Variants in MAGI1 observed in about 807,000 individuals in gnomAD.
The protein encoded by MAGI1 is membrane-associated guanylate kinase, WW and PDZ domain-containing protein 1.
MAGI1 carries 58 observed loss-of-function variants against 139.9 expected under a neutral mutation model. The observed-to-expected ratio is 0.41, with a 90% CI of 0.34 to 0.52. The LOEUF is 0.52. Among genes scored for constraint, MAGI1 ranks in the 20% least tolerant of loss-of-function variants. The pLI is 0.12. For synonymous variants in MAGI1, 812 were observed against 737.9 expected, an observed-to-expected ratio of 1.10 and a Z score of -1.63; for missense variants, 1,874 against 1,901.6, an observed-to-expected ratio of 0.99 and a Z score of 0.27.
intron 12 of MAGI1, among the ~76,000 whole-genome samples, chr3:65,419,124 C>G (rs187287266): frequency 2.0e-5 from 3 of 152,198 alleles, no homozygotes; most frequent in Admixed American, 2.0e-4. Context: ...TCAGTAATCT[C>G]ATTCAGCCCC....
chr3:66,013,671 G>A (rs1164304563), intron 1 of MAGI1, among the ~76,000 whole-genome samples: 2 of 150,368 alleles, frequency 1.3e-5, no homozygotes, highest in African/African-American at 4.9e-5. Flanking sequence ...TGAAGCAGGA[G>A]AATGGCTTGA....
At chr3:65,791,198 C>T (rs931477737) in intron 1 of MAGI1, among the ~76,000 whole-genome samples, 4 of 152,342 alleles carry the variant, frequency 2.6e-5, no homozygotes, top group South Asian at 2.1e-4. Flanking sequence ...AACCTCTCTT[C>T]GCTCCAAGCC....
At chr3:65,572,329 G>A (rs1182593598) in intron 2 of MAGI1, among the ~76,000 whole-genome samples, 1 of 152,074 alleles carries the variant, frequency 6.6e-6, no homozygotes, top group Admixed American at 6.6e-5. Flanking sequence ...AATTTGCCAA[G>A]GCTAAGAGGG....
chr3:65,651,841 C>T (rs1019253658), intron 1 of MAGI1, among the ~76,000 whole-genome samples: 3 of 152,176 alleles, frequency 2.0e-5, no homozygotes, highest in Non-Finnish European at 4.4e-5. Context: ...CCCCACTCAT[C>T]TCAAAGTGAC....
chr3:65,443,556 A>C (rs764546381), intron 7 of MAGI1, among the ~76,000 whole-genome samples: 19 of 152,196 alleles, frequency 1.2e-4, no homozygotes, highest in Non-Finnish European at 2.5e-4. Flanking sequence ...AGAACTTCCT[A>C]AGGTTTCATA....
At chr3:65,902,940 C>T (rs966160375) in intron 1 of MAGI1, 1 of 152,336 alleles carries the variant, frequency 6.6e-6, no homozygotes, top group African/African-American at 2.4e-5. Context: ...AGAATGAGAA[C>T]ACCAAGGTCA....
intron 12 of MAGI1, 91 bp from the exon 13 acceptor site, chr3:65,401,561 C>A: frequency 6.4e-7 from 1 of 1,561,412 alleles, no homozygotes. Flanking sequence ...CCAGGTGTTC[C>A]ATGGCAACCT....
chr3:65,621,474 A>C (rs1482396253), intron 2 of MAGI1, among the ~76,000 whole-genome samples: 3 of 152,174 alleles, frequency 2.0e-5, no homozygotes, highest in Admixed American at 6.5e-5. Flanking sequence ...CTGACTTATG[A>C]ATCTGATGAA....
At chr3:65,504,448 T>G (rs1367494094) in intron 2 of MAGI1, among the ~76,000 whole-genome samples, 1 of 152,188 alleles carries the variant, frequency 6.6e-6, no homozygotes, top group Non-Finnish European at 1.5e-5. Context: ...ATGCACACAT[T>G]ATGTGACTTG....
intron 1 of MAGI1, among the ~76,000 whole-genome samples, chr3:65,690,643 T>TTTTA: frequency 8.3e-6 from 1 of 121,066 alleles, no homozygotes; most frequent in East Asian, 4.4e-4. Flanking sequence ...ATTTTTAATT[T>TTTTA]TTTTTTTTTT....
chr3:65,890,582 T>C lies in MAGI1; in HGVS notation c.313+147414A>G, dbSNP rs536884678. ...ATTTCCCAAAGGACTTGCAAGAACA[T>C]TCCAACTTTAACACCACATCCAACG... On this transcript the variant is annotated intron_variant, in intron 1 of 22. Transcript: ENST00000402939. Among the ~76,000 whole-genome samples the C allele has an allele frequency of 2.0e-5, 3 of 152,314 alleles. No individual in the cohort carries two copies. In the South Asian group the frequency reaches 6.2e-4, roughly 32 times the overall value.
intron 2 of MAGI1, among the ~76,000 whole-genome samples, chr3:65,508,568 T>C (rs1354937546): frequency 6.6e-6 from 1 of 152,156 alleles, no homozygotes; most frequent in Non-Finnish European, 1.5e-5. Context: ...AGGTGAGTGC[T>C]TTGCCTTCTA....
intron 1 of MAGI1, among the ~76,000 whole-genome samples, chr3:65,848,906 T>C (rs542602903): frequency 1.1e-4 from 17 of 150,578 alleles, no homozygotes; most frequent in Admixed American, 6.7e-5. Context: ...AGTGGGGCCA[T>C]GTGATTGGTT....
intron 1 of MAGI1, among the ~76,000 whole-genome samples, chr3:65,854,053 A>G (rs1001497128): frequency 6.6e-6 from 1 of 152,068 alleles, no homozygotes; most frequent in Non-Finnish European, 1.5e-5. Flanking sequence ...GGTTGCAGTG[A>G]GCCAAGATCA....
At chr3:65,780,026 G>T (rs918304236) in intron 1 of MAGI1, among the ~76,000 whole-genome samples, 1 of 142,250 alleles carries the variant, frequency 7.0e-6, no homozygotes. Flanking sequence ...ATTTTTTGGG[G>T]GGGGAAGGGC....
intron 16 of MAGI1, among the ~76,000 whole-genome samples, chr3:65,380,336 G>T (rs930787341): frequency 2.0e-5 from 3 of 152,166 alleles, no homozygotes; most frequent in African/African-American, 4.8e-5. Context: ...TCTTTTCATA[G>T]ATTGTTTTAA....
intron 1 of MAGI1, among the ~76,000 whole-genome samples, chr3:65,798,022 T>C (rs1240009670): frequency 6.6e-6 from 1 of 152,122 alleles, no homozygotes; most frequent in Non-Finnish European, 1.5e-5. Context: ...AAACATAGCC[T>C]TGGCCTGGTG....
chr3:65,639,769 G>A (rs891579003), intron 1 of MAGI1, among the ~76,000 whole-genome samples: 1 of 152,018 alleles, frequency 6.6e-6, no homozygotes, highest in African/African-American at 2.4e-5. Context: ...TTGGGAGGCC[G>A]AGGTGGGCAG....
intron 16 of MAGI1, among the ~76,000 whole-genome samples, chr3:65,381,486 A>T (rs1184510196): frequency 2.0e-5 from 3 of 152,112 alleles, no homozygotes; most frequent in Admixed American, 6.5e-5. Context: ...TTATGAGCTT[A>T]TTTTGTAGCA....
Sources: gnomAD v4.1 joint callset for allele counts (sites outside exome capture counted in the v4.1 genomes callset) on GRCh38, gnomAD v4.1.1 for gene constraint, MANE v1.5 for transcripts, NCBI Gene and HGNC (gene_info 2026-07-23, HGNC 2026-07-21) for gene names.